HIP1: variants seen among roughly 807,000 people sequenced by gnomAD.
HIP1 encodes the protein huntingtin-interacting protein 1.
A neutral mutation model predicts 147.6 loss-of-function variants in HIP1; 65 were observed. The ratio of observed to expected loss-of-function variants is 0.44; its 90% CI spans 0.36 to 0.54. The LOEUF (loss-of-function observed/expected upper bound fraction) is 0.54, where lower values mean the gene tolerates loss of function less well. Among genes scored for constraint, HIP1 ranks in the 20% least tolerant of loss-of-function variants. The pLI, the probability that HIP1 is intolerant of heterozygous loss-of-function variation, is 0.00. For missense variants in HIP1, 1,061 were observed against 1,299.6 expected (o/e 0.82, Z 2.82); for synonymous variants, 479 against 504.0 (o/e 0.95, Z 0.67).
chr7:75,625,998 A>G (rs1584895838), intron 1 of HIP1: 1 of 151,570 alleles, frequency 6.6e-6, no homozygotes, highest in Non-Finnish European at 1.5e-5. Flanking sequence ...TTTTTTTGCC[A>G]TGTGAGGATG....
chr7:75,599,399 G>A (rs587733240), intron 1 of HIP1, 152 bp from the exon 2 acceptor site: 11 of 634,584 alleles, frequency 1.7e-5, no homozygotes, highest in South Asian at 1.6e-4. Context: ...GCGCCCAGCT[G>A]GGGGCAGAGG....
intron 1 of HIP1, among the ~76,000 whole-genome samples, chr7:75,631,140 A>T (rs587730192): frequency 1.5e-4 from 22 of 147,978 alleles, no homozygotes; most frequent in South Asian, 6.4e-4. Flanking sequence ...TGTTTTTTAA[A>T]TTTTTTTTTT....
At chr7:75,631,899 A>T (rs1198914687) in intron 1 of HIP1, among the ~76,000 whole-genome samples, 4 of 151,974 alleles carry the variant, frequency 2.6e-5, no homozygotes, top group Admixed American at 6.6e-5. Context: ...GGGAGATTGG[A>T]GTAGGGGAAA....
At chr7:75,585,470 C>A (rs1200987577) in intron 5 of HIP1, among the ~76,000 whole-genome samples, 1 of 152,088 alleles carries the variant, frequency 6.6e-6, no homozygotes, top group Non-Finnish European at 1.5e-5. Flanking sequence ...GCCACTGCGC[C>A]CAACCCCAAA....
chr7:75,562,457 T>G (rs1295359625), intron 11 of HIP1, among the ~76,000 whole-genome samples: 1 of 152,006 alleles, frequency 6.6e-6, no homozygotes, highest in African/African-American at 2.4e-5. Context: ...CCTGGATAAT[T>G]TTTTTATTTT....
At chr7:75,551,776 C>A (rs1248853717) in intron 22 of HIP1, among the ~76,000 whole-genome samples, 2 of 149,982 alleles carry the variant, frequency 1.3e-5, no homozygotes, top group Admixed American at 6.6e-5. Context: ...CACTAAGTTG[C>A]CCAGGCTGGT....
At chr7:75,585,457 T>C (rs1584835418) in intron 5 of HIP1, among the ~76,000 whole-genome samples, 1 of 152,076 alleles carries the variant, frequency 6.6e-6, no homozygotes, top group South Asian at 2.1e-4. Context: ...ATGACAGGCG[T>C]GAGCCACTGC....
intron 1 of HIP1, among the ~76,000 whole-genome samples, chr7:75,708,428 T>A (rs1350688677): frequency 6.6e-6 from 1 of 152,184 alleles, no homozygotes; most frequent in African/African-American, 2.4e-5. Context: ...CAATGCCAAA[T>A]CAAATGTCAC....
chr7:75,568,593 G>A lies in HIP1; in HGVS notation c.746-337C>T, dbSNP rs1417592205. On this transcript the variant is annotated intron_variant, in intron 8 of 30. Transcript: ENST00000336926. This position sits in a 1 kb window ranked among gnomAD's most constrained non-coding sequence, Gnocchi z 4.1. ...GCAGGCTGGACCATGGCAGGCCCAGGAGGGAGCAGTTCTTTCTCAGCTATT... is the reference window on the plus strand; with the variant it reads ...GCAGGCTGGACCATGGCAGGCCCAGAAGGGAGCAGTTCTTTCTCAGCTATT... Among the ~76,000 whole-genome samples, 2 of 152,234 alleles carry A rather than the reference G, an allele frequency of 1.3e-5. No individual in the cohort carries two copies. The highest frequency in any genetic ancestry group is 6.5e-5 in the Admixed American group (1 of 15,272).
chr7:75,621,252 G>T (rs1388478235), intron 1 of HIP1, among the ~76,000 whole-genome samples: 4 of 152,044 alleles, frequency 2.6e-5, no homozygotes, highest in African/African-American at 9.7e-5. Context: ...TACACACCTG[G>T]GGGAAGAGTT....
In HIP1 at chr7:75,554,110, C is replaced by T. The variant is rs1451575238; in HGVS notation, c.2158+3G>A. 10 of 1,611,974 alleles carry T rather than the reference C, an allele frequency of 6.2e-6. No homozygotes were observed. The highest frequency in any genetic ancestry group is 8.5e-6 in the Non-Finnish European group (10 of 1,178,426). On this transcript the variant is annotated splice_donor_region_variant and intron_variant, in intron 21 of 30. Coordinates refer to ENST00000336926, the MANE Select transcript of HIP1 (RefSeq NM_005338.7). ...GAACAGCCCCTCATGCCCCGGTACT[C>T]ACAGTCGGCAGGCTCAGGTGGGGCT...
At chr7:75,555,067 G>A (rs1391434089) in intron 19 of HIP1, among the ~76,000 whole-genome samples, 2 of 151,756 alleles carry the variant, frequency 1.3e-5, no homozygotes, top group Non-Finnish European at 2.9e-5. Context: ...CGTGCCTGTA[G>A]TCCCAGCTAC....
At chr7:75,705,743 G>A (rs1316745636) in intron 1 of HIP1, among the ~76,000 whole-genome samples, 2 of 152,146 alleles carry the variant, frequency 1.3e-5, no homozygotes, top group African/African-American at 2.4e-5. Context: ...GCACACCTGG[G>A]TTGCTTCCAC....
chr7:75,730,944 A>G (rs1045602126), intron 1 of HIP1, among the ~76,000 whole-genome samples: 22 of 150,670 alleles, frequency 1.5e-4, no homozygotes, highest in African/African-American at 5.1e-4. Context: ...CGTGTTGGCC[A>G]GGATGGTCTC....
intron 1 of HIP1, among the ~76,000 whole-genome samples, chr7:75,639,590 T>TGTGTGTGCGTGC (rs533751823): frequency 6.7e-6 from 1 of 150,014 alleles, no homozygotes; most frequent in African/African-American, 2.5e-5. Context: ...TGTGTGTGTG[T>TGTGTGTGCGTGC]GTGCGCCCGC....
At chr7:75,726,703 C>CT (rs797038208) in intron 1 of HIP1, among the ~76,000 whole-genome samples, 13,449 of 133,398 alleles carry the variant, frequency 0.1, 829 homozygotes, top group Non-Finnish European at 0.13. Context: ...AAATGTTTTT[C>CT]TTTTTTTTTT....
chr7:75,585,294 C>G (rs998288767), intron 5 of HIP1, among the ~76,000 whole-genome samples: 2 of 151,852 alleles, frequency 1.3e-5, no homozygotes, highest in Non-Finnish European at 2.9e-5. Flanking sequence ...AAGCGATTCT[C>G]CTGCCTCAGC....
At position 75,646,926 on chromosome 7, in the gene HIP1, C is replaced by T. The variant is rs551817728; in HGVS notation, c.121-47679G>A. 1.0e-3 allele frequency among the ~76,000 whole-genome samples: 156 copies of T among 152,120 alleles called. 1 individual carries two copies. The highest frequency in any genetic ancestry group is 3.4e-3 in the African/African-American group (143 of 41,498). On this transcript the variant is annotated intron_variant, in intron 1 of 30. Coordinates refer to ENST00000336926, the MANE Select transcript of HIP1 (RefSeq NM_005338.7). The stretch of plus-strand genomic sequence containing the variant: ...AGGACCAATGTCAGACTGGAGAGGG[C>T]GGCAGATCCCACAGGGCCCAGGAGC...
chr7:75,672,553 C>G (rs1554515449), intron 1 of HIP1, among the ~76,000 whole-genome samples: 1 of 152,160 alleles, frequency 6.6e-6, no homozygotes. Context: ...GTCTCAAACT[C>G]CGGAGCTCCA....
Sources: gnomAD v4.1 joint callset for allele counts (sites outside exome capture counted in the v4.1 genomes callset) on GRCh38, gnomAD v4.1.1 for gene constraint, Gnocchi (gnomAD v3.1) non-coding constraint, MANE v1.5 for transcripts, NCBI Gene and HGNC (gene_info 2026-07-23, HGNC 2026-07-21) for gene names.